GRIN3A: variants seen among roughly 807,000 people sequenced by gnomAD.
GRIN3A encodes glutamate ionotropic receptor NMDA type subunit 3A.
A neutral mutation model predicts 92.4 loss-of-function variants in GRIN3A; 47 were observed. That is an observed-to-expected ratio of 0.51 (90% CI 0.40 to 0.65). The LOEUF (loss-of-function observed/expected upper bound fraction) is 0.65, where lower values mean the gene tolerates loss of function less well. GRIN3A is among the 30% of genes least tolerant of loss of function. The pLI is 0.00. For synonymous variants in GRIN3A, 527 were observed against 540.6 expected, an observed-to-expected ratio of 0.97 and a Z score of 0.35; for missense variants, 1,324 against 1,393.1, an observed-to-expected ratio of 0.95 and a Z score of 0.79.
chr9:101,701,601 A>C (rs554432528), intron 1 of GRIN3A, among the ~76,000 whole-genome samples: 14 of 152,324 alleles, frequency 9.2e-5, no homozygotes, highest in African/African-American at 2.9e-4. Context: ...ACAAACAGAC[A>C]AAAAACCTTG....
intron 6 of GRIN3A, among the ~76,000 whole-genome samples, chr9:101,595,688 G>A (rs1828116634): frequency 6.6e-6 from 1 of 152,124 alleles, no homozygotes; most frequent in Non-Finnish European, 1.5e-5. Context: ...ATATTCCCGA[G>A]GAATATAAAC....
intron 1 of GRIN3A, among the ~76,000 whole-genome samples, chr9:101,727,621 T>G (rs2119038271): frequency 6.6e-6 from 1 of 152,186 alleles, no homozygotes; most frequent in African/African-American, 2.4e-5. Flanking sequence ...TACTTTATAG[T>G]TGTTAACTGC....
intron 3 of GRIN3A, among the ~76,000 whole-genome samples, chr9:101,648,243 T>A (rs1271199112): frequency 6.6e-6 from 1 of 152,092 alleles, no homozygotes; most frequent in Non-Finnish European, 1.5e-5. Context: ...AGGAGCATGT[T>A]GTTTAATTTC....
chr9:101,593,051 A>G (rs1394679258), intron 6 of GRIN3A: 1 of 152,238 alleles, frequency 6.6e-6, no homozygotes, highest in East Asian at 1.9e-4. Context: ...AGAACTCACA[A>G]TAGTATGTGG....
chr9:101,717,367 T>C (rs1829960773), intron 1 of GRIN3A, among the ~76,000 whole-genome samples: 1 of 152,230 alleles, frequency 6.6e-6, no homozygotes, highest in African/African-American at 2.4e-5. Flanking sequence ...GCTTTTTAAA[T>C]AGATTTCTGT....
intron 6 of GRIN3A, among the ~76,000 whole-genome samples, chr9:101,596,542 C>T (rs1306767412): frequency 6.6e-6 from 1 of 152,140 alleles, no homozygotes; most frequent in Non-Finnish European, 1.5e-5. Flanking sequence ...AGCACAAAGA[C>T]CTTTCTGGAC....
At chr9:101,666,409 A>G (rs1853448) in intron 3 of GRIN3A, among the ~76,000 whole-genome samples, 21,538 of 151,886 alleles carry the variant, frequency 0.14, 1,654 homozygotes, top group Admixed American at 0.19. Flanking sequence ...ACCAAATACC[A>G]CATGTTCTTT....
intron 3 of GRIN3A, among the ~76,000 whole-genome samples, chr9:101,643,168 T>C (rs183984868): frequency 6.6e-6 from 1 of 152,030 alleles, no homozygotes; most frequent in Non-Finnish European, 1.5e-5. Flanking sequence ...ATACAAAATA[T>C]ATTAGAAACT....
chr9:101,666,326 C>T (rs551520636), intron 3 of GRIN3A, among the ~76,000 whole-genome samples: 7 of 152,022 alleles, frequency 4.6e-5, no homozygotes, highest in African/African-American at 1.7e-4. Context: ...ATGTTCAAAA[C>T]AGATTTAAAA....
intron 1 of GRIN3A, among the ~76,000 whole-genome samples, chr9:101,724,401 T>A (rs921286230): frequency 1.3e-5 from 2 of 152,254 alleles, no homozygotes; most frequent in East Asian, 3.9e-4. Context: ...GCCGGCCCGC[T>A]GCTCCGAGTG....
intron 3 of GRIN3A, among the ~76,000 whole-genome samples, chr9:101,641,259 C>T (rs1233983320): frequency 2.0e-5 from 3 of 152,108 alleles, no homozygotes; most frequent in Non-Finnish European, 2.9e-5. Flanking sequence ...CTAGAAATAC[C>T]ATTTGACCCA....
chr9:101,676,509 TC>T (rs1452693208), intron 2 of GRIN3A, among the ~76,000 whole-genome samples: 1 of 151,994 alleles, frequency 6.6e-6, no homozygotes, highest in Non-Finnish European at 1.5e-5. Context: ...ATTTGATATT[TC>T]CCCCGAGGAA....
chr9:101,671,296 G>T (rs531637735), intron 2 of GRIN3A, among the ~76,000 whole-genome samples, 189 bp from the exon 3 acceptor site: 2 of 152,254 alleles, frequency 1.3e-5, no homozygotes, highest in East Asian at 3.9e-4. Context: ...AAGTCCTATT[G>T]CACTAAGCAA....
At chr9:101,716,086 G>T (rs569230612) in intron 1 of GRIN3A, among the ~76,000 whole-genome samples, 3 of 151,810 alleles carry the variant, frequency 2.0e-5, no homozygotes, top group Non-Finnish European at 4.4e-5. Context: ...AACTTTTTTC[G>T]CATGGAATTT....
At chr9:101,574,303 A>G (rs1034069441) in intron 8 of GRIN3A, among the ~76,000 whole-genome samples, 8 of 152,204 alleles carry the variant, frequency 5.3e-5, no homozygotes, top group African/African-American at 1.9e-4. Flanking sequence ...TCTGAAATAC[A>G]CTTTGATACT....
intron 1 of GRIN3A, among the ~76,000 whole-genome samples, chr9:101,717,197 G>A (rs895983310): frequency 6.6e-6 from 1 of 152,162 alleles, no homozygotes; most frequent in Non-Finnish European, 1.5e-5. Context: ...ATTCAGTGAG[G>A]CTAAAATTCT....
rs1827933027 is a variant in GRIN3A, at chr9:101,585,062, A to G, written c.2767-5702T>C. On this transcript the variant is annotated intron_variant, in intron 6 of 8. Coordinates refer to ENST00000361820, the MANE Select transcript of GRIN3A (RefSeq NM_133445.3). ...CATTGCTTCTAATTCCTTTTCTCCC[A>G]TTCTCCCTTAGACCCTCTTCAATCA... is the stretch of plus-strand genomic sequence containing the variant. Among the ~76,000 whole-genome samples the G allele has an allele frequency of 1.3e-5, 2 of 151,924 alleles. 1 individual carries two copies. Among genetic ancestry groups the G allele is most frequent in the South Asian group, 4.2e-4 (2 of 4,818 alleles).
intron 5 of GRIN3A, among the ~76,000 whole-genome samples, chr9:101,620,748 G>A (rs965521330): frequency 6.6e-6 from 1 of 151,992 alleles, no homozygotes; most frequent in Admixed American, 6.6e-5. Flanking sequence ...TAAACTAAAT[G>A]ACCAAGTATT....
Position 101,573,319 on chromosome 9 carries a change from A to G in GRIN3A, c.3203T>C (p.Leu1068Pro). 4 of 1,614,034 alleles carry G rather than the reference A, an allele frequency of 2.5e-6. No homozygotes were observed. Among genetic ancestry groups the G allele is most frequent in the Non-Finnish European group, 3.4e-6 (4 of 1,179,964 alleles). The part of the protein sequence containing the change: ...LRTTNGKADS[L>P]NVSRNSVMQE... ...CATCACTGAGTTCCGAGATACATTT[A>G]GGGAGTCTGCTTTCCCATTGGTGGT... Residue 1068 changes from leucine to proline, a missense_variant, in exon 9 of 9, where the codon CTA becomes CCA. By Grantham distance (98) the Leu-to-Pro change is moderately conservative. Transcript: ENST00000361820.
Sources: gnomAD v4.1 joint callset for allele counts (sites outside exome capture counted in the v4.1 genomes callset) on GRCh38, gnomAD v4.1.1 for gene constraint, MANE v1.5 for transcripts, NCBI Gene and HGNC (gene_info 2026-07-23, HGNC 2026-07-21) for gene names.